Variants in ASH1L observed in about 807,000 individuals in gnomAD.
ASH1L encodes the protein histone-lysine N-methyltransferase ASH1L.
A neutral mutation model predicts 269.0 loss-of-function variants in ASH1L; 23 were observed. The ratio of observed to expected loss-of-function variants is 0.09; its 90% CI spans 0.06 to 0.12. The LOEUF is 0.12. Among genes scored for constraint, ASH1L ranks in the 10% least tolerant of loss-of-function variants. ASH1L has a pLI of 1.00. For missense variants in ASH1L, 2,912 were observed against 3,567.8 expected (o/e 0.82, Z 4.68); for synonymous variants, 1,187 against 1,253.5 (o/e 0.95, Z 1.12).
At chr1:155,551,570 G>A (rs925193128) in intron 1 of ASH1L, among the ~76,000 whole-genome samples, 1 of 147,418 alleles carries the variant, frequency 6.8e-6, no homozygotes, top group African/African-American at 2.5e-5. Context: ...TGAGGCAGGA[G>A]AATGGCGTGA....
intron 1 of ASH1L, among the ~76,000 whole-genome samples, chr1:155,529,508 C>T (rs1180914983): frequency 2.0e-5 from 3 of 152,140 alleles, no homozygotes; most frequent in African/African-American, 7.2e-5. Context: ...AGTGTCTGTT[C>T]ATGTCCTTTA....
intron 2 of ASH1L, among the ~76,000 whole-genome samples, chr1:155,518,359 A>T (rs905383471): frequency 3.3e-5 from 5 of 152,180 alleles, no homozygotes; most frequent in African/African-American, 1.2e-4. Flanking sequence ...GACACTAATA[A>T]TACAGGTAAT....
intron 1 of ASH1L, among the ~76,000 whole-genome samples, chr1:155,549,410 G>T (rs1194530180): frequency 1.3e-5 from 2 of 152,070 alleles, no homozygotes; most frequent in African/African-American, 4.8e-5. Context: ...GTCCAAGGCG[G>T]GTGGATCACC....
rs1302517720 is a variant in ASH1L, at chr1:155,530,742, GA to G, written c.-99-9125del. Among the ~76,000 whole-genome samples the G allele has an allele frequency of 3.1e-3, 374 of 121,928 alleles. 4 individuals carry two copies. Among genetic ancestry groups the G allele is most frequent in the South Asian group, 0.024 (95 of 3,928 alleles). The allele number at this position is 121,928 out of a possible 152,430, so 80.0% of individuals were successfully genotyped here. A position where few individuals can be genotyped will look rare whatever the true frequency, so the allele number is the denominator to read the frequency against. ...CAGACCAAGACTCTGTCTCGGGAAG[GA>G]AAAAAAAAAATCAAAAAAATTAGCT... On this transcript the variant is annotated intron_variant, in intron 1 of 27. Coordinates refer to ENST00000392403, the MANE Select transcript of ASH1L (RefSeq NM_018489.3).
rs535446598 is a variant in ASH1L at position 155,533,544 on chromosome 1, T to A, written c.-99-11926A>T. 8.0e-5 allele frequency among the ~76,000 whole-genome samples: 12 copies of A among 149,988 alleles called. No homozygotes were observed. In the East Asian group the frequency reaches 2.4e-3, roughly 29 times the overall value. On this transcript the variant is annotated intron_variant, in intron 1 of 27. Coordinates refer to ENST00000392403, the MANE Select transcript of ASH1L (RefSeq NM_018489.3). ...ATGGCCAATATGGTGAAACCCCGTCTCCACTTAAAAAAAAAAAAAATTGGC... is the reference window on the plus strand; with the variant it reads ...ATGGCCAATATGGTGAAACCCCGTCACCACTTAAAAAAAAAAAAAATTGGC...
chr1:155,506,238 C>T (rs1485715099), intron 2 of ASH1L, among the ~76,000 whole-genome samples: 1 of 151,992 alleles, frequency 6.6e-6, no homozygotes, highest in African/African-American at 2.4e-5. Flanking sequence ...CTAACAAATA[C>T]AAAGGAAAAA....
At chr1:155,387,938 C>T (rs1657576410) in intron 7 of ASH1L, among the ~76,000 whole-genome samples, 1 of 152,144 alleles carries the variant, frequency 6.6e-6, no homozygotes, top group Admixed American at 6.6e-5. Context: ...CTTGGCTTAA[C>T]TGTTATTGGT....
chr1:155,371,029 C>T (rs1433285429), intron 10 of ASH1L, 46 bp from the exon 11 acceptor site: 2 of 1,511,552 alleles, frequency 1.3e-6, no homozygotes, highest in South Asian at 1.2e-5. Flanking sequence ...ATGATACATA[C>T]CTTGATGCAT....
At chr1:155,457,001 T>G (rs755759592) in intron 4 of ASH1L, among the ~76,000 whole-genome samples, 1 of 152,192 alleles carries the variant, frequency 6.6e-6, no homozygotes, top group Non-Finnish European at 1.5e-5. Flanking sequence ...AGCCACTTAG[T>G]GCTTTACTAT....
chr1:155,533,376 G>A (rs974066053), intron 1 of ASH1L, among the ~76,000 whole-genome samples: 2 of 151,924 alleles, frequency 1.3e-5, no homozygotes, highest in Non-Finnish European at 2.9e-5. Flanking sequence ...GCAGAAACAG[G>A]TCTGTTTCGC....
intron 7 of ASH1L, among the ~76,000 whole-genome samples, chr1:155,382,185 C>T (rs906596173): frequency 1.3e-5 from 2 of 150,012 alleles, no homozygotes; most frequent in Non-Finnish European, 3.0e-5. Context: ...CAGCAGGCAA[C>T]GACACAGACT....
chr1:155,538,643 T>C (rs1359571978), intron 1 of ASH1L, among the ~76,000 whole-genome samples: 1 of 71,850 alleles, frequency 1.4e-5, no homozygotes, highest in Middle Eastern at 5.4e-3. Flanking sequence ...TACCCAGCCT[T>C]TTTTTTTTTT....
At chr1:155,525,551 AAG>A (rs1301424810) in intron 1 of ASH1L, among the ~76,000 whole-genome samples, 4 of 150,728 alleles carry the variant, frequency 2.7e-5, no homozygotes, top group Admixed American at 6.6e-5. Flanking sequence ...AAAAAAAAAA[AAG>A]AAGAAGAAGA....
At chr1:155,457,894 T>G (rs1328057916) in intron 4 of ASH1L, among the ~76,000 whole-genome samples, 2 of 152,158 alleles carry the variant, frequency 1.3e-5, no homozygotes, top group African/African-American at 4.8e-5. Flanking sequence ...TGTTCAGGGG[T>G]TGGTGAACTT....
At chr1:155,428,075 C>T (rs554114805) in intron 5 of ASH1L, among the ~76,000 whole-genome samples, 8 of 152,214 alleles carry the variant, frequency 5.3e-5, no homozygotes, top group South Asian at 2.1e-4. Flanking sequence ...GGACCATGAA[C>T]GAATTAAACC....
intron 10 of ASH1L, among the ~76,000 whole-genome samples, chr1:155,375,741 T>C (rs1656378314): frequency 6.6e-6 from 1 of 151,618 alleles, no homozygotes; most frequent in African/African-American, 2.4e-5. Context: ...GAGGCTGCAG[T>C]GAGCTGAGAT....
chr1:155,559,806 A>AG (rs947723682), intron 1 of ASH1L, among the ~76,000 whole-genome samples: 1 of 152,142 alleles, frequency 6.6e-6, no homozygotes, highest in Non-Finnish European at 1.5e-5. Flanking sequence ...TCTCCTGCAT[A>AG]GGATTAACTC....
chr1:155,443,974 TA>T (rs1662796266), intron 4 of ASH1L, among the ~76,000 whole-genome samples: 1 of 146,270 alleles, frequency 6.8e-6, no homozygotes, highest in Non-Finnish European at 1.5e-5. Flanking sequence ...CTGGAATTAC[TA>T]AATCTTTTTT....
chr1:155,556,467 C>T (rs1043241995), intron 1 of ASH1L, among the ~76,000 whole-genome samples: 10 of 148,796 alleles, frequency 6.7e-5, no homozygotes, highest in South Asian at 2.1e-4. Flanking sequence ...TTTTTTGAGA[C>T]AGAGTTTCAC....
Sources: allele counts gnomAD v4.1 joint callset (sites outside exome capture counted in the v4.1 genomes callset), GRCh38; gene constraint gnomAD v4.1.1; transcripts MANE v1.5; gene names NCBI Gene and HGNC (gene_info 2026-07-23, HGNC 2026-07-21).